PRKCE: variants seen among roughly 807,000 people sequenced by gnomAD.
The protein encoded by PRKCE is protein kinase C epsilon type.
PRKCE carries 16 observed loss-of-function variants against 85.4 expected under a neutral mutation model. That is an observed-to-expected ratio of 0.19 (90% CI 0.13 to 0.28). The LOEUF is 0.28. Ranked by LOEUF, PRKCE falls within the 10% of genes least tolerant of loss-of-function variation. The probability of loss-of-function intolerance (pLI) is 1.00; values close to 1 mark genes in which losing one functional copy is unlikely to be tolerated. For missense variants in PRKCE, 573 were observed against 975.2 expected (o/e 0.59, Z 5.49); for synonymous variants, 388 against 371.5 (o/e 1.04, Z -0.51).
chr2:46,119,440 A>T (rs1270305876), intron 11 of PRKCE, among the ~76,000 whole-genome samples: 1 of 152,160 alleles, frequency 6.6e-6, no homozygotes, highest in Non-Finnish European at 1.5e-5. Context: ...TCAAATTCTT[A>T]TCATAAATAA....
At chr2:46,019,340 T>A (rs1706441791) in intron 10 of PRKCE, among the ~76,000 whole-genome samples, 1 of 152,100 alleles carries the variant, frequency 6.6e-6, no homozygotes, top group South Asian at 2.1e-4. Flanking sequence ...CCCATCTGAG[T>A]GTGGGTGTGC....
At chr2:45,710,415 T>A (rs955482383) in intron 1 of PRKCE, among the ~76,000 whole-genome samples, 1 of 152,118 alleles carries the variant, frequency 6.6e-6, no homozygotes, top group Admixed American at 6.5e-5. Context: ...TCCTCCAGAG[T>A]CTCTAATATG....
intron 14 of PRKCE, among the ~76,000 whole-genome samples, chr2:46,179,437 G>C (rs886080463): frequency 5.9e-5 from 9 of 152,100 alleles, no homozygotes; most frequent in African/African-American, 2.2e-4. Flanking sequence ...CTCTGAGAGG[G>C]ATCTGGACTG....
intron 1 of PRKCE, among the ~76,000 whole-genome samples, chr2:45,680,964 A>G (rs185072933): frequency 8.5e-4 from 129 of 152,314 alleles, no homozygotes; most frequent in Admixed American, 8.0e-3. Context: ...CTAGTAACTT[A>G]TGTATTATAA....
At chr2:45,969,830 G>A (rs547476015) in intron 2 of PRKCE, among the ~76,000 whole-genome samples, 6 of 152,238 alleles carry the variant, frequency 3.9e-5, no homozygotes, top group African/African-American at 1.4e-4. Flanking sequence ...TGACATTGGG[G>A]TGTATTATTG....
chr2:45,957,146 A>G (rs1246833334), intron 2 of PRKCE, among the ~76,000 whole-genome samples: 3 of 152,244 alleles, frequency 2.0e-5, no homozygotes, highest in African/African-American at 7.2e-5. Context: ...TGACAAAGTC[A>G]AATTTGTCAA....
Position 46,086,310 on chromosome 2 carries a change from G to A in PRKCE, c.1540G>A (p.Ala514Thr). 1 of 1,599,682 alleles carries A rather than the reference G, an allele frequency of 6.3e-7. No homozygotes were observed. Among genetic ancestry groups the A allele is most frequent in the East Asian group, 2.2e-5 (1 of 44,874 alleles). Residue 514 changes from alanine to threonine, a missense_variant, in exon 11 of 15, where the codon GCA becomes ACA. Ala to Thr is a moderately conservative substitution (Grantham distance 58). This residue lies in a region of PRKCE where 89 missense variants were observed against 154.1 expected (regional missense o/e 0.58). Transcript: ENST00000306156. ...CGAGCCTCGTTCACGGTTCTATGCT[G>A]CAGAGGTCACATCGGCCCTCATGTT... ...FDEPRSRFYA[A>T]EVTSALMFLH...
intron 1 of PRKCE, among the ~76,000 whole-genome samples, chr2:45,708,757 G>A (rs1015946388): frequency 6.6e-6 from 1 of 152,240 alleles, no homozygotes; most frequent in African/African-American, 2.4e-5. Flanking sequence ...AAAGGAGTAA[G>A]TGCTTCTTCT....
chr2:45,985,702 T>A (rs1220457917), intron 6 of PRKCE, among the ~76,000 whole-genome samples: 1 of 152,028 alleles, frequency 6.6e-6, no homozygotes, highest in Non-Finnish European at 1.5e-5. Context: ...GGAGGAATGA[T>A]TTATTGGATG....
chr2:45,911,168 G>C (rs894963309), intron 2 of PRKCE, among the ~76,000 whole-genome samples: 2 of 152,148 alleles, frequency 1.3e-5, no homozygotes, highest in African/African-American at 2.4e-5. Flanking sequence ...CAGCCTAAAG[G>C]GTTTTTCTTT....
chr2:45,917,878 G>T (rs1403269987), intron 2 of PRKCE, among the ~76,000 whole-genome samples: 1 of 151,330 alleles, frequency 6.6e-6, no homozygotes, highest in Non-Finnish European at 1.5e-5. Context: ...CGGCACTGCT[G>T]GGGGACCCAG....
chr2:45,940,925 G>C (rs1169588262), intron 2 of PRKCE, among the ~76,000 whole-genome samples: 1 of 151,410 alleles, frequency 6.6e-6, no homozygotes, highest in Non-Finnish European at 1.5e-5. Context: ...AATTAGCCAG[G>C]CATGGTGACA....
intron 1 of PRKCE, among the ~76,000 whole-genome samples, chr2:45,807,809 C>G (rs1210345823): frequency 1.3e-5 from 2 of 152,060 alleles, no homozygotes; most frequent in East Asian, 3.9e-4. Flanking sequence ...TTTACCAAGC[C>G]CTCCAGGTGA....
chr2:46,026,471 C>T (rs1707119308), intron 10 of PRKCE, among the ~76,000 whole-genome samples: 1 of 152,144 alleles, frequency 6.6e-6, no homozygotes, highest in Non-Finnish European at 1.5e-5. Context: ...TGGTATCATG[C>T]AGAAGGTTTG....
intron 1 of PRKCE, among the ~76,000 whole-genome samples, chr2:45,765,355 G>T (rs1164703723): frequency 6.6e-6 from 1 of 152,194 alleles, no homozygotes; most frequent in Middle Eastern, 3.2e-3. Context: ...GGCCAATGGA[G>T]TCTCCAGGTT....
At chr2:45,966,435 C>T (rs1027011939) in intron 2 of PRKCE, among the ~76,000 whole-genome samples, 17 of 152,198 alleles carry the variant, frequency 1.1e-4, no homozygotes, top group Admixed American at 2.0e-4. Context: ...GAATCATGCT[C>T]AGCATCTGGC....
At chr2:46,010,138 T>C (rs1246970390) in intron 9 of PRKCE, among the ~76,000 whole-genome samples, 1 of 152,224 alleles carries the variant, frequency 6.6e-6, no homozygotes, top group African/African-American at 2.4e-5. Flanking sequence ...ATGTTGCCCA[T>C]GCTGATCTGT....
At chr2:45,755,280 T>C (rs1683908903) in intron 1 of PRKCE, among the ~76,000 whole-genome samples, 1 of 152,194 alleles carries the variant, frequency 6.6e-6, no homozygotes, top group African/African-American at 2.4e-5. Context: ...GTGGACTATT[T>C]TGCTATTTGG....
intron 1 of PRKCE, among the ~76,000 whole-genome samples, chr2:45,841,299 G>A (rs1203540671): frequency 1.3e-5 from 2 of 152,206 alleles, no homozygotes; most frequent in African/African-American, 2.4e-5. Flanking sequence ...AAGCCAGTCC[G>A]TGTCCGAAAA....
Sources: gnomAD v4.1 joint callset for allele counts (sites outside exome capture counted in the v4.1 genomes callset) on GRCh38, gnomAD v4.1.1 for gene constraint, gnomAD v4.1.1 regional missense constraint, MANE v1.5 for transcripts, NCBI Gene and HGNC (gene_info 2026-07-23, HGNC 2026-07-21) for gene names.